Variants in TRIM51G observed in about 807,000 individuals in gnomAD.
TRIM51G encodes tripartite motif-containing 51G, also known as tripartite motif-containing protein 51G.
At chr11:48,981,418 C>T in the TRIM51G span, 10 of 1,607,764 alleles carry the variant, frequency 6.2e-6, no homozygotes, top group South Asian at 1.1e-4. Context: ...GTGCGTCCCA[C>T]ATATTTGCTC....
chr11:48,975,860 C>G, the TRIM51G span: 1 of 991,346 alleles, frequency 1.0e-6, no homozygotes, highest in Non-Finnish European at 1.6e-6. Flanking sequence ...AAAAAATCAG[C>G]CCCCCATTGA....
At chr11:48,981,670 A>G in the TRIM51G span, 6 of 1,599,382 alleles carry the variant, frequency 3.8e-6, no homozygotes, top group Non-Finnish European at 5.1e-6. Flanking sequence ...TTCCCTCTGG[A>G]AGACTTGCAA....
chr11:48,978,529 T>C, the TRIM51G span, among the ~76,000 whole-genome samples: 2 of 152,178 alleles, frequency 1.3e-5, no homozygotes, highest in Non-Finnish European at 2.9e-5. Flanking sequence ...CATCATGCCA[T>C]GTCTCCAAAT....
At chr11:48,976,899 A>G in the TRIM51G span, among the ~76,000 whole-genome samples, 1 of 141,608 alleles carries the variant, frequency 7.1e-6, no homozygotes, top group Non-Finnish European at 1.6e-5. Context: ...GTTTTTCACT[A>G]TGTTTTACTC....
the TRIM51G span, chr11:48,981,794 C>A: frequency 1.6e-6 from 2 of 1,283,300 alleles, no homozygotes; most frequent in Non-Finnish European, 2.2e-6. Flanking sequence ...TTCCTCTTGA[C>A]AGTGCTCATT....
chr11:48,982,542 T>A, the TRIM51G span, among the ~76,000 whole-genome samples: 1 of 151,966 alleles, frequency 6.6e-6, no homozygotes, highest in African/African-American at 2.4e-5. Context: ...GTGGACACTA[T>A]CCAATCAGCT....
chr11:48,981,248 T>C, the TRIM51G span: 7 of 1,599,948 alleles, frequency 4.4e-6, no homozygotes, highest in East Asian at 2.2e-5. Context: ...ATTCCATGTG[T>C]CCTGTATAGA....
the TRIM51G span, among the ~76,000 whole-genome samples, chr11:48,980,346 T>C: frequency 6.6e-6 from 1 of 152,156 alleles, no homozygotes; most frequent in African/African-American, 2.4e-5. Context: ...ATTTCTCACA[T>C]ATTTATGTCT....
the TRIM51G span, chr11:48,981,586 G>A: frequency 2.5e-6 from 4 of 1,601,594 alleles, no homozygotes; most frequent in Non-Finnish European, 3.4e-6. Flanking sequence ...GTAGAAACAG[G>A]GCCGGCAAAA....
chr11:48,981,073 A>T, the TRIM51G span: 3 of 822,172 alleles, frequency 3.6e-6, no homozygotes, highest in African/African-American at 1.7e-5. Context: ...TATACGAAGG[A>T]CCCAAAATGA....
the TRIM51G span, chr11:48,978,841 A>AACATCATGATAACCCATGGTCAGTCC: frequency 1.0e-6 from 1 of 983,952 alleles, no homozygotes; most frequent in Non-Finnish European, 1.6e-6. Context: ...TTGAATCTTC[A>AACATCATGATAACCCATGGTCAGTCC]ACATCATGAT....
At chr11:48,975,737 C>G in the TRIM51G span, 9 of 1,567,760 alleles carry the variant, frequency 5.7e-6, no homozygotes, top group Non-Finnish European at 6.1e-6. Context: ...AGTCCCACCT[C>G]TCCATCTATC....
the TRIM51G span, chr11:48,981,384 A>T: frequency 6.2e-7 from 1 of 1,607,774 alleles, no homozygotes; most frequent in Admixed American, 1.7e-5. Flanking sequence ...TGTCCACTTC[A>T]CAGAACATCT....
At chr11:48,977,393 G>A in the TRIM51G span, among the ~76,000 whole-genome samples, 1 of 152,178 alleles carries the variant, frequency 6.6e-6, no homozygotes, top group East Asian at 1.9e-4. Context: ...AATTTATTCG[G>A]ATCTTTCTTC....
At chr11:48,976,252 TG>T in the TRIM51G span, among the ~76,000 whole-genome samples, 1 of 152,174 alleles carries the variant, frequency 6.6e-6, no homozygotes, top group Non-Finnish European at 1.5e-5. Flanking sequence ...AAGACCAGCC[TG>T]TTTTAATCCC....
chr11:48,978,320 C>G, the TRIM51G span, among the ~76,000 whole-genome samples: 6 of 152,256 alleles, frequency 3.9e-5, no homozygotes, highest in African/African-American at 1.4e-4. Flanking sequence ...CCCAGTCTAT[C>G]ATATGTCATG....
chr11:48,978,756 A>G, the TRIM51G span: 1 of 562,254 alleles, frequency 1.8e-6, no homozygotes, highest in Non-Finnish European at 3.3e-6. Flanking sequence ...TAGTTATAGA[A>G]TCGTGTTTTT....
the TRIM51G span, chr11:48,981,577 T>G: frequency 3.7e-6 from 6 of 1,601,568 alleles, no homozygotes; most frequent in Non-Finnish European, 5.1e-6. Flanking sequence ...CCAGTTGAGG[T>G]AGAAACAGGG....
the TRIM51G span, chr11:48,977,308 C>A: frequency 9.1e-6 from 5 of 551,282 alleles, no homozygotes; most frequent in Admixed American, 1.5e-4. Flanking sequence ...CCAAAATTAT[C>A]ATTTTCTTTT....
Sources: gnomAD v4.1 joint callset for allele counts (sites outside exome capture counted in the v4.1 genomes callset) on GRCh38, gnomAD v4.1.1 for gene constraint, MANE v1.5 for transcripts, NCBI Gene and HGNC (gene_info 2026-07-23, HGNC 2026-07-21) for gene names.